Variants in MUC13 observed in about 807,000 individuals in gnomAD.
MUC13 encodes the protein mucin 13, cell surface associated.
Under a neutral mutation model 48.3 loss-of-function variants are expected in MUC13, and 32 were observed. The ratio of observed to expected loss-of-function variants is 0.66; its 90% CI spans 0.50 to 0.89. MUC13 has a LOEUF of 0.89. MUC13 is among the 40% of genes least tolerant of loss of function. The pLI, the probability that MUC13 is intolerant of heterozygous loss-of-function variation, is 0.00. For synonymous variants in MUC13, 199 were observed against 224.9 expected, an observed-to-expected ratio of 0.88 and a Z score of 1.03; for missense variants, 571 against 622.8, an observed-to-expected ratio of 0.92 and a Z score of 0.88.
chr3:124,925,192 TG>T (rs1291254422), intron 2 of MUC13, among the ~76,000 whole-genome samples: 1 of 152,196 alleles, frequency 6.6e-6, no homozygotes, highest in East Asian at 1.9e-4. Context: ...AGGAAATGCA[TG>T]CTACTATGTA....
chr3:124,915,009 C>T (rs180768670), intron 6 of MUC13, among the ~76,000 whole-genome samples: 13 of 151,970 alleles, frequency 8.6e-5, no homozygotes, highest in African/African-American at 2.4e-4. Context: ...GAGGGAGGCA[C>T]GAAGGCGATT....
intron 6 of MUC13, among the ~76,000 whole-genome samples, chr3:124,914,587 G>T (rs1262769900): frequency 6.6e-6 from 1 of 152,016 alleles, no homozygotes; most frequent in Non-Finnish European, 1.5e-5. Context: ...CTACAATTTT[G>T]GGCAAAGAAA....
intron 4 of MUC13, among the ~76,000 whole-genome samples, chr3:124,920,706 C>T (rs1209461602): frequency 5.3e-5 from 8 of 152,214 alleles, no homozygotes; most frequent in Non-Finnish European, 1.2e-4. Flanking sequence ...TTGTGACACT[C>T]ACACTCAAAG....
intron 1 of MUC13, among the ~76,000 whole-genome samples, chr3:124,934,054 C>T (rs936859824): frequency 3.9e-5 from 6 of 152,178 alleles, no homozygotes; most frequent in East Asian, 1.9e-4. Context: ...GGATCCAGAA[C>T]GCTATAGTAG....
intron 5 of MUC13, among the ~76,000 whole-genome samples, chr3:124,918,479 T>A (rs1432932312): frequency 6.6e-6 from 1 of 152,056 alleles, no homozygotes; most frequent in Non-Finnish European, 1.5e-5. Context: ...CACTGCAGGG[T>A]CCCATATTCT....
intron 1 of MUC13, among the ~76,000 whole-genome samples, chr3:124,930,989 A>G (rs1361384018): frequency 6.6e-6 from 1 of 152,176 alleles, no homozygotes; most frequent in African/African-American, 2.4e-5. Context: ...GGTGCTATAC[A>G]AGGCATAGGG....
intron 11 of MUC13, among the ~76,000 whole-genome samples, chr3:124,907,563 A>T (rs1016096523): frequency 1.3e-4 from 20 of 152,264 alleles, no homozygotes; most frequent in South Asian, 1.0e-3. Flanking sequence ...GGCTACAGTG[A>T]GCCAAGATCG....
In MUC13 at chr3:124,913,224, A is replaced by G. The variant is rs767376092; in HGVS notation, c.1101T>C (p.Cys367=). 4.3e-6 allele frequency: 7 copies of G among 1,612,484 alleles called. No individual in the cohort carries two copies. The highest frequency in any genetic ancestry group is 1.1e-5 in the South Asian group (1 of 90,902). Residue 367 remains cysteine, a synonymous_variant, in exon 8 of 12, where the codon TGT becomes TGC. Coordinates refer to ENST00000616727, the MANE Select transcript of MUC13 (RefSeq NM_033049.4). ...TGTGCTGTGCGTTGCAGGCATCAGG[A>G]CACTTGAGACTGGAAGCTTCAAAAC... ...SPFCVASSLK[C]PDACNAQHKQ...
In MUC13 at chr3:124,913,168, GC is replaced by G; in HGVS notation, c.1156del (p.Ala386ProfsTer36). ...GCCGGGCACGCACGCACACTCAGGG[GC>G]CCCACCACTCTTCTTTATTAAGCAT... is the stretch of plus-strand genomic sequence containing the variant. ...KQCLIKKSGG[A>X]PECACVPGYQ... On this transcript the variant is annotated frameshift_variant, in exon 8 of 12. Coordinates refer to ENST00000616727, the MANE Select transcript of MUC13 (RefSeq NM_033049.4). LOFTEE classifies it high-confidence loss of function. 6.2e-7 allele frequency: 1 copy of G among 1,614,080 alleles called. No individual in the cohort carries two copies. The highest frequency in any genetic ancestry group is 8.5e-7 in the Non-Finnish European group (1 of 1,180,008).
Position 124,908,490 on chromosome 3 carries a change from G to A in MUC13, c.1338-142C>T, listed in dbSNP as rs1022375835. The A allele has an allele frequency of 8.6e-5, 61 of 707,822 alleles. 2 individuals carry two copies. The South Asian group carries it at 9.0e-4, about 10-fold the overall frequency. The allele number at this position is 707,822 out of a possible 1,614,324, so 43.8% of individuals were successfully genotyped here. On this transcript the variant is annotated intron_variant, in intron 10 of 11. Coordinates refer to ENST00000616727, the MANE Select transcript of MUC13 (RefSeq NM_033049.4). ...AGTTACAAAATACATATATTACGGC[G>A]TTCTCACACACTTATCACCCAGATT... is the stretch of plus-strand genomic sequence containing the variant.
Position 124,916,316 on chromosome 3 carries a change from C to A in MUC13, c.964+1G>T. On this transcript the variant is annotated splice_donor_variant, in intron 6 of 11. Transcript: ENST00000616727. LOFTEE classifies it high-confidence loss of function. ...TTTGAATAAAATTATACAATACTTA[C>A]AATCATAGTTTAGAAAGTTGCTTGA... is the stretch of plus-strand genomic sequence containing the variant. 1.9e-6 allele frequency: 3 copies of A among 1,607,518 alleles called. No homozygotes were observed. Among genetic ancestry groups the A allele is most frequent in the Non-Finnish European group, 2.5e-6 (3 of 1,176,782 alleles).
In MUC13 at chr3:124,913,586, T is replaced by C; in HGVS notation, c.1060A>G (p.Asn354Asp). The C allele has an allele frequency of 6.2e-7, 1 of 1,614,230 alleles. No individual in the cohort carries two copies. The highest frequency in any genetic ancestry group is 1.1e-5 in the South Asian group (1 of 91,088). ...CDCKSDLQRP[N>D]PQSPFCVASS... ...CCAACGCAGAAAGGGCTCTGTGGGT[T>C]AGGCCTTTGCAGGTCAGATTTGCAA... Residue 354 changes from asparagine (N) to aspartate (D), a missense_variant, in exon 7 of 12, where the codon AAC (asparagine) becomes GAC (aspartate). Asn to Asp is a conservative substitution (Grantham distance 23). Transcript: ENST00000616727.
intron 3 of MUC13, among the ~76,000 whole-genome samples, 184 bp from the exon 4 acceptor site, chr3:124,922,487 T>C (rs888206894): frequency 6.6e-6 from 1 of 152,168 alleles, no homozygotes; most frequent in Non-Finnish European, 1.5e-5. Flanking sequence ...TTAATTTTGG[T>C]ATATTTCTTT....
rs1400830639 is a variant in MUC13 at position 124,927,771 on chromosome 3, G to A, written c.275C>T (p.Thr92Ile). The change falls in exon 2 of 12, where the codon ACA becomes ATA. Residue 92 changes from threonine (T) to isoleucine (I), a missense_variant. Thr to Ile is a moderately conservative substitution (Grantham distance 89). Coordinates refer to ENST00000616727, the MANE Select transcript of MUC13 (RefSeq NM_033049.4). ...TATAGGAATTGTGGAGGAACTATGTGTACTAATTATGGGGGGAGCAGGTGT... is the reference window on the plus strand; with the variant it reads ...TATAGGAATTGTGGAGGAACTATGTATACTAATTATGGGGGGAGCAGGTGT... The part of the protein sequence containing the change: ...IPTPAPPIIS[T>I]HSSSTIPIPT... 2 of 1,606,804 alleles carry A rather than the reference G, an allele frequency of 1.2e-6. No individual in the cohort carries two copies. Among genetic ancestry groups the A allele is most frequent in the Non-Finnish European group, 1.7e-6 (2 of 1,175,784 alleles).
intron 10 of MUC13, 69 bp from the exon 11 acceptor site, chr3:124,908,417 T>A (rs1935352356): frequency 8.4e-7 from 1 of 1,192,400 alleles, no homozygotes; most frequent in South Asian, 1.4e-5. Flanking sequence ...GTTAATGTTC[T>A]TTTTAAAAAT....
At chr3:124,928,600 C>G (rs1288429251) in intron 1 of MUC13, among the ~76,000 whole-genome samples, 2 of 151,928 alleles carry the variant, frequency 1.3e-5, no homozygotes, top group African/African-American at 4.8e-5. Flanking sequence ...AGGCTGGTCT[C>G]TTAACTCCTG....
chr3:124,929,847 G>A (rs1210140041), intron 1 of MUC13, among the ~76,000 whole-genome samples: 1 of 152,196 alleles, frequency 6.6e-6, no homozygotes, highest in Non-Finnish European at 1.5e-5. Flanking sequence ...TTATGGGGAA[G>A]GCCATCCATT....
At position 124,908,334 on chromosome 3, in the gene MUC13, G is replaced by C. The variant is rs761163911; in HGVS notation, c.1352C>G (p.Thr451Arg). Residue 451 changes from threonine (T) to arginine (R), a missense_variant, in exon 11 of 12, where the codon ACG (threonine) becomes AGG (arginine). Coordinates refer to ENST00000616727, the MANE Select transcript of MUC13 (RefSeq NM_033049.4). ...CAAGTTCTCTTCTTCAATATGCTTCGTTTTGTTATTTGATCTGTAATCAGT... is the reference window on the plus strand; with the variant it reads ...CAAGTTCTCTTCTTCAATATGCTTCCTTTTGTTATTTGATCTGTAATCAGT... ...LIVTARSNNK[T>R]KHIEEENLID... The C allele has an allele frequency of 1.9e-6, 3 of 1,613,928 alleles. No homozygotes were observed. The highest frequency in any genetic ancestry group is 2.5e-6 in the Non-Finnish European group (3 of 1,179,888).
At chr3:124,912,803 G>T (rs1294339755) in intron 8 of MUC13, among the ~76,000 whole-genome samples, 1 of 152,010 alleles carries the variant, frequency 6.6e-6, no homozygotes, top group African/African-American at 2.4e-5. Flanking sequence ...GGACAGGGTG[G>T]CAGGCACCTG....
Sources: gnomAD v4.1 joint callset for allele counts (sites outside exome capture counted in the v4.1 genomes callset) on GRCh38, gnomAD v4.1.1 for gene constraint, MANE v1.5 for transcripts, NCBI Gene and HGNC (gene_info 2026-07-23, HGNC 2026-07-21) for gene names.